The following SND1 variants were observed in gnomAD, a reference collection of about 807,000 sequenced individuals.
SND1 encodes the protein staphylococcal nuclease domain-containing protein 1.
In SND1, 38 loss-of-function variants were observed where a neutral mutation model predicts 121.7. That is an observed-to-expected ratio of 0.31 (90% CI 0.24 to 0.41). The LOEUF is 0.41. Ranked by LOEUF, SND1 falls within the 10% of genes least tolerant of loss-of-function variation. The pLI is 1.00. For synonymous variants in SND1, 401 were observed against 447.4 expected, an observed-to-expected ratio of 0.90 and a Z score of 1.31; for missense variants, 868 against 1,184.6, an observed-to-expected ratio of 0.73 and a Z score of 3.92.
intron 10 of SND1, among the ~76,000 whole-genome samples, chr7:127,796,016 A>C (rs1425249281): frequency 6.6e-6 from 1 of 151,646 alleles, no homozygotes; most frequent in Non-Finnish European, 1.5e-5. Context: ...CATCACCACT[A>C]CCAGCTAATT....
In SND1 at chr7:128,030,557, C is replaced by A. The variant is rs771954950; in HGVS notation, c.1779+39501C>A. ...CAGCGATGGCTGCACACAGAATCCA[C>A]ACTTGCGCCGTGAGGTAGACGAACG... On this transcript the variant is annotated intron_variant, in intron 16 of 23. Transcript: ENST00000354725. 9.9e-6 allele frequency: 16 copies of A among 1,612,522 alleles called. No individual in the cohort carries two copies. In the Admixed American group the frequency reaches 2.7e-4, roughly 27 times the overall value.
intron 10 of SND1, among the ~76,000 whole-genome samples, chr7:127,781,365 A>G (rs1225139447): frequency 5.9e-5 from 9 of 152,144 alleles, no homozygotes; most frequent in Admixed American, 1.3e-4. Context: ...CTATGTGGCA[A>G]TCATCGTTCC....
At position 127,708,219 on chromosome 7, in the gene SND1, G is replaced by A. The variant is rs144826219; in HGVS notation, c.1038+572G>A. On this transcript the variant is annotated intron_variant, in intron 9 of 23. Coordinates refer to ENST00000354725, the MANE Select transcript of SND1 (RefSeq NM_014390.4). ...TCCAAATGTGTTTAAGGTAGGTTAG[G>A]CCAAGCTATGATGTTTGGTAGGTTA... 2.8e-3 allele frequency among the ~76,000 whole-genome samples: 427 copies of A among 152,242 alleles called. 1 individual carries two copies. Among genetic ancestry groups the A allele is most frequent in the Non-Finnish European group, 5.3e-3 (358 of 68,000 alleles).
intron 1 of SND1, among the ~76,000 whole-genome samples, chr7:127,681,193 AGTGG>A (rs1323947824): frequency 2.6e-5 from 4 of 152,160 alleles, no homozygotes; most frequent in Non-Finnish European, 5.9e-5. Flanking sequence ...TAGCTATCCT[AGTGG>A]TGGTAAAGTG....
chr7:127,777,105 G>A (rs1354824927), intron 10 of SND1, among the ~76,000 whole-genome samples: 1 of 152,148 alleles, frequency 6.6e-6, no homozygotes, highest in Non-Finnish European at 1.5e-5. Context: ...TAACTATTAG[G>A]TTAAGAAGTT....
At chr7:127,941,829 T>A (rs943476517) in intron 15 of SND1, among the ~76,000 whole-genome samples, 1 of 152,026 alleles carries the variant, frequency 6.6e-6, no homozygotes, top group African/African-American at 2.4e-5. Flanking sequence ...TGTATTTTAG[T>A]CTCTTTTTTA....
At chr7:127,855,955 C>T (rs141307536) in intron 12 of SND1, among the ~76,000 whole-genome samples, 22 of 152,292 alleles carry the variant, frequency 1.4e-4, no homozygotes, top group Admixed American at 4.6e-4. Context: ...TGGTTGAGGA[C>T]TCTGTGGTAC....
intron 16 of SND1, among the ~76,000 whole-genome samples, chr7:128,023,402 G>A (rs924086636): frequency 3.3e-5 from 5 of 152,146 alleles, no homozygotes; most frequent in Non-Finnish European, 7.3e-5. Flanking sequence ...CATGGGTAGG[G>A]GAGAAGACAT....
intron 10 of SND1, among the ~76,000 whole-genome samples, chr7:127,735,470 T>C (rs1796758633): frequency 6.6e-6 from 1 of 152,180 alleles, no homozygotes; most frequent in South Asian, 2.1e-4. Flanking sequence ...CCTAGCACTT[T>C]GGGAGGCCGA....
chr7:128,037,863 C>G (rs1050230706), intron 16 of SND1, among the ~76,000 whole-genome samples: 4 of 152,342 alleles, frequency 2.6e-5, no homozygotes, highest in African/African-American at 9.6e-5. Context: ...TTCTCACTTT[C>G]TCTTTACATT....
At chr7:127,903,488 A>T (rs1800274890) in intron 13 of SND1, among the ~76,000 whole-genome samples, 1 of 152,168 alleles carries the variant, frequency 6.6e-6, no homozygotes, top group South Asian at 2.1e-4. Flanking sequence ...CTCATCAAGG[A>T]GTAGAAACTA....
At chr7:127,657,560 A>G (rs1401169830) in intron 1 of SND1, among the ~76,000 whole-genome samples, 1 of 152,122 alleles carries the variant, frequency 6.6e-6, no homozygotes, top group African/African-American at 2.4e-5. Flanking sequence ...TGGCACAATC[A>G]TGGCTCATTG....
At chr7:127,764,056 A>AAAAAAAAAAAAAAAAAAC (rs1554422863) in intron 10 of SND1, among the ~76,000 whole-genome samples, 4 of 135,218 alleles carry the variant, frequency 3.0e-5, no homozygotes, top group African/African-American at 5.2e-5. Context: ...AAAAAAACAA[A>AAAAAAAAAAAAAAAAAAC]AAAACAAAAA....
At chr7:127,995,230 G>C (rs568446560) in intron 16 of SND1, among the ~76,000 whole-genome samples, 39 of 152,336 alleles carry the variant, frequency 2.6e-4, no homozygotes, top group African/African-American at 9.4e-4. Flanking sequence ...ATTTAAGTTG[G>C]CTCTCCTGTC....
intron 10 of SND1, among the ~76,000 whole-genome samples, chr7:127,772,421 A>G (rs1315333054): frequency 6.6e-6 from 1 of 152,152 alleles, no homozygotes; most frequent in Non-Finnish European, 1.5e-5. Flanking sequence ...TGCGATCTTT[A>G]AAACACACAC....
chr7:127,894,255 C>G (rs906229635), intron 13 of SND1, among the ~76,000 whole-genome samples: 1 of 151,996 alleles, frequency 6.6e-6, no homozygotes, highest in African/African-American at 2.4e-5. Flanking sequence ...GAATGAAGAG[C>G]TTCCACTGGG....
chr7:127,779,690 T>C (rs896053849), intron 10 of SND1, among the ~76,000 whole-genome samples: 2 of 152,240 alleles, frequency 1.3e-5, no homozygotes, highest in Non-Finnish European at 2.9e-5. Context: ...ACTGCAGATT[T>C]GACCAAATGG....
chr7:128,018,257 A>T (rs545617436), intron 16 of SND1, among the ~76,000 whole-genome samples: 326 of 152,316 alleles, frequency 2.1e-3, no homozygotes, highest in Admixed American at 5.0e-3. Context: ...TCGGAGCTGT[A>T]TGGGGTCCAG....
intron 10 of SND1, among the ~76,000 whole-genome samples, chr7:127,724,968 G>A (rs1273974872): frequency 4.6e-5 from 7 of 151,774 alleles, no homozygotes; most frequent in Admixed American, 1.3e-4. Flanking sequence ...ATCCCCCCAC[G>A]CCAACCCCTG....
Sources: allele counts gnomAD v4.1 joint callset (sites outside exome capture counted in the v4.1 genomes callset), GRCh38; gene constraint gnomAD v4.1.1; transcripts MANE v1.5; gene names NCBI Gene and HGNC (gene_info 2026-07-23, HGNC 2026-07-21).